Variants in NAV3 observed in about 807,000 individuals in gnomAD.
NAV3 encodes neuron navigator 3.
Under a neutral mutation model 244.7 loss-of-function variants are expected in NAV3, and 87 were observed. The ratio of observed to expected loss-of-function variants is 0.36; its 90% CI spans 0.30 to 0.42. The LOEUF (loss-of-function observed/expected upper bound fraction) is 0.42. NAV3 is among the 20% of genes least tolerant of loss of function. NAV3 has a pLI of 1.00. For synonymous variants in NAV3, 1,126 were observed against 1,042.2 expected, an observed-to-expected ratio of 1.08 and a Z score of -1.55; for missense variants, 2,663 against 2,893.3, an observed-to-expected ratio of 0.92 and a Z score of 1.83.
rs1320784489 is a variant in NAV3, at chr12:78,122,275, G to A, written c.4085G>A (p.Ser1362Asn). The A allele has an allele frequency of 6.2e-7, 1 of 1,614,132 alleles. No homozygotes were observed. Among genetic ancestry groups the A allele is most frequent in the Non-Finnish European group, 8.5e-7 (1 of 1,180,026 alleles). Residue 1362 changes from serine (S) to asparagine (N), a missense_variant, in exon 16 of 40, where the codon AGC becomes AAC. Transcript: ENST00000397909. ...SSSAGSKDTP[S>N]YQSMTSLHTS... The stretch of plus-strand genomic sequence containing the variant: ...TCTGCAGGCAGCAAGGATACTCCGA[G>A]CTACCAGTCCATGACTAGCCTCCAC...
chr12:78,089,320 G>C lies in NAV3; in HGVS notation c.2637-27452G>C, dbSNP rs913461501. 4.6e-5 allele frequency among the ~76,000 whole-genome samples: 7 copies of C among 152,086 alleles called. 1 individual carries two copies. Among genetic ancestry groups the C allele is most frequent in the Non-Finnish European group, 1.5e-5 (1 of 67,982 alleles). ...CATGATAAACCATAAAGTAATGTTA[G>C]AATTATTATGAAAGCATTCAGATGA... On this transcript the variant is annotated intron_variant, in intron 12 of 39. Transcript: ENST00000397909.
intron 2 of NAV3, among the ~76,000 whole-genome samples, chr12:77,601,093 T>C (rs1365753680): frequency 2.0e-5 from 3 of 152,006 alleles, no homozygotes; most frequent in South Asian, 4.1e-4. Context: ...GTGCTTAGTA[T>C]GGCAGTGCTT....
chr12:78,050,489 G>A (rs1435203619), intron 10 of NAV3, among the ~76,000 whole-genome samples: 1 of 152,126 alleles, frequency 6.6e-6, no homozygotes, highest in African/African-American at 2.4e-5. Context: ...GTCTGGGAAG[G>A]TTACAGTGAG....
At chr12:78,116,017 T>G (rs1955359743) in intron 12 of NAV3, among the ~76,000 whole-genome samples, 1 of 152,220 alleles carries the variant, frequency 6.6e-6, no homozygotes, top group African/African-American at 2.4e-5. Context: ...TCTTATGCAC[T>G]GTGTGGCACG....
intron 1 of NAV3, among the ~76,000 whole-genome samples, chr12:77,899,159 G>A (rs963865842): frequency 5.9e-5 from 9 of 152,206 alleles, no homozygotes; most frequent in African/African-American, 2.2e-4. Context: ...TCTACTTTTG[G>A]TAAAGATGCT....
intron 2 of NAV3, among the ~76,000 whole-genome samples, chr12:77,688,108 A>T (rs954262167): frequency 3.9e-5 from 6 of 152,110 alleles, no homozygotes; most frequent in African/African-American, 1.4e-4. Flanking sequence ...ACACATGGAA[A>T]TGTTAAATTA....
Position 77,884,412 on chromosome 12 carries a change from T to G in NAV3, c.243+52708T>G, listed in dbSNP as rs1211980372. 2.6e-5 allele frequency among the ~76,000 whole-genome samples: 4 copies of G among 152,044 alleles called. No homozygotes were observed. The South Asian group carries it at 8.3e-4, about 32-fold the overall frequency. ...CAAAGATACTGGTAGTGTGGCTCAG[T>G]CCAAGTCCAAAGGCTCCAGAACCAG... On this transcript the variant is annotated intron_variant, in intron 1 of 39. Coordinates refer to ENST00000397909, the MANE Select transcript of NAV3 (RefSeq NM_001024383.2).
chr12:77,968,339 T>C (rs1219796471), intron 4 of NAV3, among the ~76,000 whole-genome samples, 180 bp from the exon 5 acceptor site: 1 of 152,236 alleles, frequency 6.6e-6, no homozygotes, highest in Non-Finnish European at 1.5e-5. Context: ...AAATTCCAAG[T>C]TATTTGGAAA....
chr12:78,155,593 G>C (rs1437624103), intron 22 of NAV3, among the ~76,000 whole-genome samples: 1 of 152,038 alleles, frequency 6.6e-6, no homozygotes, highest in Non-Finnish European at 1.5e-5. Flanking sequence ...TCATCACACT[G>C]TCTTCCACAT....
intron 2 of NAV3, among the ~76,000 whole-genome samples, chr12:77,780,729 C>T (rs1870623476): frequency 6.6e-6 from 1 of 152,140 alleles, no homozygotes; most frequent in South Asian, 2.1e-4. Context: ...CACAAAGGTT[C>T]CTGGGTTGTA....
intron 1 of NAV3, among the ~76,000 whole-genome samples, chr12:77,905,549 C>T (rs1229812008): frequency 6.6e-6 from 1 of 151,880 alleles, no homozygotes; most frequent in Non-Finnish European, 1.5e-5. Flanking sequence ...GTATTTTTTT[C>T]CTTTTTCACA....
At chr12:78,134,717 A>C (rs528539455) in intron 18 of NAV3, among the ~76,000 whole-genome samples, 2 of 152,234 alleles carry the variant, frequency 1.3e-5, no homozygotes, top group African/African-American at 4.8e-5. Context: ...GTGGCACTGC[A>C]TACTCCAGCC....
chr12:78,124,910 T>A (rs1026014580), intron 16 of NAV3, among the ~76,000 whole-genome samples: 1 of 152,226 alleles, frequency 6.6e-6, no homozygotes, highest in African/African-American at 2.4e-5. Flanking sequence ...AAAAAGTACA[T>A]GTTAACTACA....
intron 2 of NAV3, among the ~76,000 whole-genome samples, chr12:77,712,843 A>G (rs1876185918): frequency 6.6e-6 from 1 of 152,216 alleles, no homozygotes; most frequent in Admixed American, 6.5e-5. Context: ...ATAGGCGAGC[A>G]AGTTAGTGGA....
At chr12:78,109,674 C>T (rs1954987181) in intron 12 of NAV3, among the ~76,000 whole-genome samples, 1 of 151,770 alleles carries the variant, frequency 6.6e-6, no homozygotes, top group South Asian at 2.1e-4. Context: ...TAAGCATCTT[C>T]ACAGAATATA....
intron 24 of NAV3, among the ~76,000 whole-genome samples, chr12:78,172,408 T>C (rs976327214): frequency 4.6e-5 from 7 of 151,538 alleles, no homozygotes; most frequent in African/African-American, 1.7e-4. Context: ...TTTATAATGG[T>C]AAACAAAATA....
At chr12:77,773,445 G>T (rs1870199371) in intron 2 of NAV3, among the ~76,000 whole-genome samples, 1 of 152,206 alleles carries the variant, frequency 6.6e-6, no homozygotes, top group African/African-American at 2.4e-5. Flanking sequence ...TGATTTGCCG[G>T]TATTTACCGA....
At chr12:77,934,030 G>A (rs558108516) in intron 1 of NAV3, among the ~76,000 whole-genome samples, 5 of 152,242 alleles carry the variant, frequency 3.3e-5, no homozygotes, top group African/African-American at 1.2e-4. Context: ...ATTTATCTCA[G>A]TTCAAAGTAA....
At chr12:78,047,471 A>G (rs1261900442) in intron 9 of NAV3, among the ~76,000 whole-genome samples, 1 of 152,176 alleles carries the variant, frequency 6.6e-6, no homozygotes, top group Non-Finnish European at 1.5e-5. Context: ...TGGGTGACAG[A>G]GCAAGACTCT....
Sources: gnomAD v4.1 joint callset for allele counts (sites outside exome capture counted in the v4.1 genomes callset) on GRCh38, gnomAD v4.1.1 for gene constraint, MANE v1.5 for transcripts, NCBI Gene and HGNC (gene_info 2026-07-23, HGNC 2026-07-21) for gene names.